DPYD: variants seen among roughly 807,000 people sequenced by gnomAD.
The protein encoded by DPYD is dihydropyrimidine dehydrogenase, also known as dihydropyrimidine dehydrogenase [NADP(+)].
Under a neutral mutation model 116.2 loss-of-function variants are expected in DPYD, and 109 were observed. The observed-to-expected ratio is 0.94, with a 90% CI of 0.80 to 1.10. DPYD has a LOEUF of 1.10. DPYD is among the 50% of genes least tolerant of loss of function. DPYD has a pLI of 0.00. For synonymous variants in DPYD, 440 were observed against 432.0 expected (o/e 1.02, Z -0.23); for missense variants, 1,302 against 1,254.5 (o/e 1.04, Z -0.57).
chr1:97,779,034 A>G (rs1365316559), intron 3 of DPYD, among the ~76,000 whole-genome samples: 2 of 152,144 alleles, frequency 1.3e-5, no homozygotes, highest in Non-Finnish European at 1.5e-5. Context: ...ATGTCTAGAA[A>G]TTATCTGGAA....
At chr1:97,491,060 G>C in intron 13 of DPYD, among the ~76,000 whole-genome samples, 1 of 147,958 alleles carries the variant, frequency 6.8e-6, no homozygotes, top group East Asian at 2.0e-4. Context: ...ATGATCTAAT[G>C]ACTTAAAAAT....
chr1:97,408,088 A>G (rs961321136), intron 14 of DPYD, among the ~76,000 whole-genome samples: 4 of 152,156 alleles, frequency 2.6e-5, no homozygotes, highest in Admixed American at 6.6e-5. Context: ...ACCATGCCCT[A>G]TGATTAACGT....
At chr1:97,897,214 C>T (rs1673119553) in intron 1 of DPYD, among the ~76,000 whole-genome samples, 1 of 151,838 alleles carries the variant, frequency 6.6e-6, no homozygotes, top group East Asian at 1.9e-4. Flanking sequence ...TTCCCTGATA[C>T]TTTAAATGTC....
intron 14 of DPYD, among the ~76,000 whole-genome samples, chr1:97,395,134 A>AT (rs1221535206): frequency 6.6e-6 from 1 of 150,936 alleles, no homozygotes; most frequent in Non-Finnish European, 1.5e-5. Context: ...TATCCTTTGC[A>AT]TTTTTCTGCT....
At chr1:97,707,404 T>G (rs1662032463) in intron 5 of DPYD, among the ~76,000 whole-genome samples, 1 of 151,440 alleles carries the variant, frequency 6.6e-6, no homozygotes, top group Admixed American at 6.6e-5. Flanking sequence ...TAACTCGTCA[T>G]CTAGCATTAG....
chr1:97,259,173 T>TA (rs1663708066), intron 18 of DPYD, among the ~76,000 whole-genome samples: 1 of 152,098 alleles, frequency 6.6e-6, no homozygotes, highest in Non-Finnish European at 1.5e-5. Flanking sequence ...TCCAGTACTG[T>TA]AAAACTGGGA....
intron 14 of DPYD, among the ~76,000 whole-genome samples, chr1:97,439,126 G>A (rs1427852589): frequency 6.6e-6 from 1 of 151,274 alleles, no homozygotes; most frequent in Non-Finnish European, 1.5e-5. Flanking sequence ...TTTTCTATTG[G>A]GTTTATTGAG....
rs149426705 is a variant in DPYD at position 97,792,695 on chromosome 1, C to T, written c.233+35419G>A. Among the ~76,000 whole-genome samples the T allele has an allele frequency of 4.7e-3, 716 of 152,224 alleles. 6 individuals are homozygous for T. Among genetic ancestry groups the T allele is most frequent in the Middle Eastern group, 6.8e-3 (2 of 294 alleles). The stretch of plus-strand genomic sequence containing the variant: ...ACTAAGCCTCAATCACATCAAAACG[C>T]CCATAAAATTTCATGAAAATAAGAG... On this transcript the variant is annotated intron_variant, in intron 3 of 22. Coordinates refer to ENST00000370192, the MANE Select transcript of DPYD (RefSeq NM_000110.4).
At chr1:97,597,096 T>C (rs1654939204) in intron 8 of DPYD, among the ~76,000 whole-genome samples, 1 of 152,212 alleles carries the variant, frequency 6.6e-6, no homozygotes, top group African/African-American at 2.4e-5. Flanking sequence ...TAGCTGAATA[T>C]GTTCTTGAAG....
chr1:97,555,600 T>C (rs1651636498), intron 11 of DPYD, among the ~76,000 whole-genome samples: 1 of 152,128 alleles, frequency 6.6e-6, no homozygotes, highest in Admixed American at 6.6e-5. Flanking sequence ...CTCCTTTCTC[T>C]TGCCCCCACT....
In DPYD at chr1:97,827,567, A is replaced by G. The variant is rs141683208; in HGVS notation, c.233+547T>C. Among the ~76,000 whole-genome samples, 356 of 152,232 alleles carry G rather than the reference A, an allele frequency of 2.3e-3. 2 individuals carry two copies. Among genetic ancestry groups the G allele is most frequent in the African/African-American group, 8.3e-3 (344 of 41,578 alleles). On this transcript the variant is annotated intron_variant, in intron 3 of 22. Transcript: ENST00000370192. Reference sequence around the variant, plus strand: ...ATAAATATTCAGAATTACTGATGTTAAGAAATGAAAAAAGAAAAAAAGTCA... The same window carrying G: ...ATAAATATTCAGAATTACTGATGTTGAGAAATGAAAAAAGAAAAAAAGTCA...
chr1:97,641,589 G>A (rs1461060293), intron 8 of DPYD, among the ~76,000 whole-genome samples: 2 of 152,092 alleles, frequency 1.3e-5, no homozygotes, highest in African/African-American at 4.8e-5. Context: ...AGGTATTGAT[G>A]GAACGTATCT....
chr1:97,545,703 C>T, intron 12 of DPYD: 1 of 943,032 alleles, frequency 1.1e-6, no homozygotes. Flanking sequence ...CTAAAAACTG[C>T]CAACTAATAG....
chr1:97,893,114 C>G (rs1672857550), intron 1 of DPYD, among the ~76,000 whole-genome samples: 1 of 151,648 alleles, frequency 6.6e-6, no homozygotes. Context: ...CCACTATTAA[C>G]CCAATGTATA....
At chr1:97,657,417 T>C (rs1327000451) in intron 8 of DPYD, among the ~76,000 whole-genome samples, 1 of 152,230 alleles carries the variant, frequency 6.6e-6, no homozygotes, top group Non-Finnish European at 1.5e-5. Flanking sequence ...AATTTCCAAA[T>C]TCTAAAACAT....
At chr1:97,746,491 C>A (rs1359813511) in intron 3 of DPYD, among the ~76,000 whole-genome samples, 7 of 152,056 alleles carry the variant, frequency 4.6e-5, no homozygotes, top group Admixed American at 3.9e-4. Flanking sequence ...AAAGCTTGTC[C>A]TATTTTACTA....
At chr1:97,505,820 T>C (rs1277037546) in intron 13 of DPYD, among the ~76,000 whole-genome samples, 1 of 151,950 alleles carries the variant, frequency 6.6e-6, no homozygotes, top group Non-Finnish European at 1.5e-5. Context: ...AGGGTAAATT[T>C]GGCAGGATAG....
chr1:97,330,789 TA>T (rs1190602543), intron 16 of DPYD, among the ~76,000 whole-genome samples: 2 of 152,184 alleles, frequency 1.3e-5, no homozygotes, highest in African/African-American at 4.8e-5. Flanking sequence ...TAAATTATTT[TA>T]ATTTCATGAA....
chr1:97,597,356 T>G (rs1462102495), intron 8 of DPYD, among the ~76,000 whole-genome samples: 5 of 152,290 alleles, frequency 3.3e-5, no homozygotes, highest in Middle Eastern at 3.4e-3. Context: ...GTGGATACTT[T>G]GATAGTCTAT....
Sources: gnomAD v4.1 joint callset for allele counts (sites outside exome capture counted in the v4.1 genomes callset) on GRCh38, gnomAD v4.1.1 for gene constraint, MANE v1.5 for transcripts, NCBI Gene and HGNC (gene_info 2026-07-23, HGNC 2026-07-21) for gene names.